The following GRIK3 variants were observed in gnomAD, a reference collection of about 807,000 sequenced individuals.
The protein encoded by GRIK3 is glutamate receptor ionotropic, kainate 3.
A neutral mutation model predicts 102.5 loss-of-function variants in GRIK3; 29 were observed. That is an observed-to-expected ratio of 0.28 (90% CI 0.21 to 0.39). GRIK3 has a LOEUF of 0.39. Among genes scored for constraint, GRIK3 ranks in the 10% least tolerant of loss-of-function variants. The pLI is 1.00. For synonymous variants in GRIK3, 511 were observed against 504.9 expected, an observed-to-expected ratio of 1.01 and a Z score of -0.16; for missense variants, 908 against 1,252.4, an observed-to-expected ratio of 0.73 and a Z score of 4.15.
At chr1:36,931,132 G>A (rs933776711) in intron 1 of GRIK3, among the ~76,000 whole-genome samples, 1 of 152,196 alleles carries the variant, frequency 6.6e-6, no homozygotes, top group African/African-American at 2.4e-5. Flanking sequence ...TTTATCACAA[G>A]TCTTCATACC....
intron 1 of GRIK3, among the ~76,000 whole-genome samples, chr1:36,970,347 T>A (rs1642128228): frequency 6.6e-6 from 1 of 152,172 alleles, no homozygotes. Context: ...CCTCAGGAAA[T>A]TCCTTAAACA....
chr1:36,975,101 T>C (rs184181950), intron 1 of GRIK3, among the ~76,000 whole-genome samples: 1 of 152,168 alleles, frequency 6.6e-6, no homozygotes, highest in African/African-American at 2.4e-5. Context: ...ATTGTGAATC[T>C]ACTTAATGTT....
chr1:36,841,754 G>C lies in GRIK3; in HGVS notation c.1512C>G (p.Val504=). The C allele has an allele frequency of 1.9e-6, 3 of 1,614,016 alleles. No individual in the cohort carries two copies. The highest frequency in any genetic ancestry group is 2.5e-6 in the Non-Finnish European group (3 of 1,179,912). Residue 504 remains valine (V), a synonymous_variant, in exon 10 of 16, where the codon GTC becomes GTG. Transcript: ENST00000373091. ...TGCTTACGTGGTCGATGAGCTCCTTGACCATGCCGTTCCACTGGCCCTTGT... is the reference window on the plus strand; with the variant it reads ...TGCTTACGTGGTCGATGAGCTCCTTCACCATGCCGTTCCACTGGCCCTTGT... ...QDDKGQWNGM[V]KELIDHKADL...
In GRIK3 at chr1:36,844,260, G is replaced by T. The variant is rs559205715; in HGVS notation, c.1327-2321C>A. On this transcript the variant is annotated intron_variant, in intron 9 of 15. Transcript: ENST00000373091. ...CTGAGTCTAACTGGGTAGGAAGCTG[G>T]ACCCTCGGCTAGGCGCCATGCTTAA... Among the ~76,000 whole-genome samples the T allele has an allele frequency of 2.0e-5, 3 of 152,332 alleles. No individual in the cohort carries two copies. The East Asian group carries it at 5.8e-4, about 29-fold the overall frequency.
intron 1 of GRIK3, among the ~76,000 whole-genome samples, chr1:36,988,495 G>A (rs958350549): frequency 2.0e-5 from 3 of 152,228 alleles, no homozygotes; most frequent in Non-Finnish European, 4.4e-5. Flanking sequence ...AGAAGCAACC[G>A]TGGCCGCCGG....
At chr1:37,021,190 G>C (rs1357633940) in intron 1 of GRIK3, among the ~76,000 whole-genome samples, 3 of 150,428 alleles carry the variant, frequency 2.0e-5, no homozygotes, top group African/African-American at 7.3e-5. Context: ...ATAGGATGAG[G>C]GTCAGAGGAC....
chr1:36,860,005 A>C lies in GRIK3; in HGVS notation c.799T>G (p.Leu267Val). 6.3e-7 allele frequency: 1 copy of C among 1,595,624 alleles called. No homozygotes were observed. Among genetic ancestry groups the C allele is most frequent in the Non-Finnish European group, 8.5e-7 (1 of 1,171,292 alleles). Residue 267 changes from leucine to valine, a missense_variant, in exon 6 of 16, where the codon TTA (leucine) becomes GTA (valine). By Grantham distance (32) the Leu-to-Val change is conservative. Transcript: ENST00000373091. ...GAGTAGCGGTAGGGCTCCAGGTCTAAAGCGTAGAGATCCTGGATAGAGAGA... is the reference window on the plus strand; with the variant it reads ...GAGTAGCGGTAGGGCTCCAGGTCTACAGCGTAGAGATCCTGGATAGAGAGA... Reference protein sequence around the residue: ...FIFTTLDLYALDLEPYRYSGV... With the variant: ...FIFTTLDLYAVDLEPYRYSGV...
At chr1:36,998,887 G>C (rs1239828597) in intron 1 of GRIK3, among the ~76,000 whole-genome samples, 2 of 152,152 alleles carry the variant, frequency 1.3e-5, no homozygotes, top group Non-Finnish European at 2.9e-5. Flanking sequence ...TGAGGCTCCT[G>C]CCACAGTGAT....
rs747687717 is a variant in GRIK3 at position 37,033,998 on chromosome 1, C to A, written c.111G>T (p.Arg37=). Residue 37 remains arginine (R), a synonymous_variant, in exon 1 of 16, where the codon CGG becomes CGT. Coordinates refer to ENST00000373091, the MANE Select transcript of GRIK3 (RefSeq NM_000831.4). ...PDSRGMPHVI[R]IGGIFEYADG... is the part of the protein sequence containing the mutation. ...CCGGCTCCAGGGAGCGCTTACCGATCCGGATGACGTGGGGCATCCCGCGCG... is the reference window on the plus strand; with the variant it reads ...CCGGCTCCAGGGAGCGCTTACCGATACGGATGACGTGGGGCATCCCGCGCG... 6.3e-7 allele frequency: 1 copy of A among 1,583,150 alleles called. No homozygotes were observed. The highest frequency in any genetic ancestry group is 2.3e-5 in the East Asian group (1 of 42,754).
chr1:36,819,563 T>A lies in GRIK3; in HGVS notation c.1873+173A>T, dbSNP rs553893869. Among the ~76,000 whole-genome samples, 13 of 152,098 alleles carry A rather than the reference T, an allele frequency of 8.5e-5. No individual in the cohort carries two copies. The highest frequency in any genetic ancestry group is 2.7e-4 in the African/African-American group (11 of 41,472). ...CCAGAGTGAAGGTGGAAGTTAGGGG[T>A]CTGGGGCAAGGGCACACACCTGGGT... On this transcript the variant is annotated intron_variant, in intron 12 of 15. Coordinates refer to ENST00000373091, the MANE Select transcript of GRIK3 (RefSeq NM_000831.4). The surrounding 1 kb of genome is among the most constrained non-coding windows in gnomAD (Gnocchi z 4.1).
chr1:36,818,307 C>A (rs866364166), intron 12 of GRIK3, among the ~76,000 whole-genome samples: 6 of 152,174 alleles, frequency 3.9e-5, no homozygotes, highest in African/African-American at 1.2e-4. Flanking sequence ...TGTCACCGAA[C>A]AAAGACGATG....
intron 1 of GRIK3, among the ~76,000 whole-genome samples, chr1:36,974,634 TA>T (rs1459320989): frequency 8.6e-5 from 13 of 151,418 alleles, no homozygotes; most frequent in Non-Finnish European, 5.9e-5. Flanking sequence ...CCATCTCTAC[TA>T]AAAATACAAA....
intron 1 of GRIK3, among the ~76,000 whole-genome samples, chr1:37,002,955 C>T (rs1642493550): frequency 6.6e-6 from 1 of 151,538 alleles, no homozygotes; most frequent in African/African-American, 2.4e-5. Flanking sequence ...GCATTTCTTA[C>T]AGCCTTTCAC....
chr1:36,833,789 G>T (rs1425107399), intron 10 of GRIK3, among the ~76,000 whole-genome samples: 4 of 152,212 alleles, frequency 2.6e-5, no homozygotes, highest in African/African-American at 9.6e-5. Context: ...AACTGGGGTT[G>T]GGGGACAGCT....
At position 36,850,986 on chromosome 1, in the gene GRIK3, G is replaced by T. The variant is rs1162868664; in HGVS notation, c.1213-562C>A. 6.6e-6 allele frequency among the ~76,000 whole-genome samples: 1 copy of T among 152,202 alleles called. No homozygotes were observed. The highest frequency in any genetic ancestry group is 2.4e-5 in the African/African-American group (1 of 41,442). ...TCTACAGCGTCCTTGTGGATATCGG[G>T]CCTGAGGCTAGAGGTAGAGAAGGAA... On this transcript the variant is annotated intron_variant, in intron 8 of 15. Coordinates refer to ENST00000373091, the MANE Select transcript of GRIK3 (RefSeq NM_000831.4). The surrounding 1 kb of genome is among the most constrained non-coding windows in gnomAD (Gnocchi z 4.0).
intron 1 of GRIK3, among the ~76,000 whole-genome samples, chr1:36,894,084 T>G (rs1641147184): frequency 6.6e-6 from 1 of 152,214 alleles, no homozygotes; most frequent in Non-Finnish European, 1.5e-5. Flanking sequence ...TTTAGTAAAT[T>G]TACTGAGTTC....
chr1:36,952,927 A>G (rs1269527197), intron 1 of GRIK3, among the ~76,000 whole-genome samples: 1 of 152,186 alleles, frequency 6.6e-6, no homozygotes, highest in Non-Finnish European at 1.5e-5. Context: ...AGGGAACAGC[A>G]CGTGCAACAC....
intron 1 of GRIK3, among the ~76,000 whole-genome samples, chr1:36,958,283 C>T (rs1570824112): frequency 2.9e-5 from 2 of 67,952 alleles, no homozygotes; most frequent in African/African-American, 7.4e-5. Flanking sequence ...CTGTGTGCCC[C>T]ATGACTCTGT....
chr1:36,819,239 T>A lies in GRIK3; in HGVS notation c.1873+497A>T, dbSNP rs1222025073. 6.6e-6 allele frequency among the ~76,000 whole-genome samples: 1 copy of A among 152,184 alleles called. No individual in the cohort carries two copies. Among genetic ancestry groups the A allele is most frequent in the African/African-American group, 2.4e-5 (1 of 41,434 alleles). ...AGCGGCCACGGAGTCCCATCCACAGTGTATCCTGAAGCTCTCTTAGTCCAT... is the reference window on the plus strand; with the variant it reads ...AGCGGCCACGGAGTCCCATCCACAGAGTATCCTGAAGCTCTCTTAGTCCAT... On this transcript the variant is annotated intron_variant, in intron 12 of 15. Transcript: ENST00000373091. The surrounding 1 kb of genome is among the most constrained non-coding windows in gnomAD (Gnocchi z 4.1).
Sources: gnomAD v4.1 joint callset for allele counts (sites outside exome capture counted in the v4.1 genomes callset) on GRCh38, gnomAD v4.1.1 for gene constraint, Gnocchi (gnomAD v3.1) non-coding constraint, MANE v1.5 for transcripts, NCBI Gene and HGNC (gene_info 2026-07-23, HGNC 2026-07-21) for gene names.